Variants in PIP5K1B observed in about 807,000 individuals in gnomAD.
PIP5K1B encodes the protein phosphatidylinositol-4-phosphate 5-kinase type 1 beta, also known as phosphatidylinositol 4-phosphate 5-kinase type-1 beta.
A neutral mutation model predicts 67.0 loss-of-function variants in PIP5K1B; 42 were observed. That is an observed-to-expected ratio of 0.63 (90% CI 0.49 to 0.81). The LOEUF is 0.81. Ranked by LOEUF, PIP5K1B falls within the 30% of genes least tolerant of loss-of-function variation. PIP5K1B has a pLI of 0.00. For missense variants in PIP5K1B, 459 were observed against 646.3 expected (o/e 0.71, Z 3.14); for synonymous variants, 214 against 231.4 (o/e 0.92, Z 0.68).
rs71353081 is a variant in PIP5K1B at position 68,754,175 on chromosome 9, C to CTTTTTTT, written c.-86+11524_-86+11530dup. On this transcript the variant is annotated intron_variant, in intron 2 of 15. Transcript: ENST00000265382. ...AGTCTTCTTTTATGTTCCATGATTT[C>CTTTTTTT]TTTTTTTTTTTTGAGACAGAGTCTC... 8.9e-5 allele frequency among the ~76,000 whole-genome samples: 9 copies of CTTTTTTT among 101,072 alleles called. 2 individuals carry two copies. The highest frequency in any genetic ancestry group is 6.8e-4 in the East Asian group (2 of 2,934). The allele number at this position is 101,072 out of a possible 152,430, so 66.3% of individuals were successfully genotyped here. A position where few individuals can be genotyped will look rare whatever the true frequency, so the allele number is the denominator to read the frequency against.
intron 1 of PIP5K1B, among the ~76,000 whole-genome samples, chr9:68,718,736 G>T (rs1827744367): frequency 6.6e-6 from 1 of 152,196 alleles, no homozygotes; most frequent in African/African-American, 2.4e-5. Flanking sequence ...ACTGTAAAGT[G>T]ATAGATTTAG....
rs1208594986 is a variant in PIP5K1B, at chr9:68,793,651, G to C, written c.-85-24810G>C. Among the ~76,000 whole-genome samples, 5 of 152,198 alleles carry C rather than the reference G, an allele frequency of 3.3e-5. No individual in the cohort carries two copies. In the East Asian group the frequency reaches 9.7e-4, roughly 29 times the overall value. ...TATGGGTGGAGTAGGATATTTTTTG[G>C]TGGGGGGAGGGGCTATGGCTGTGGA... On this transcript the variant is annotated intron_variant, in intron 2 of 15. Transcript: ENST00000265382.
chr9:68,878,013 CTG>C (rs35871698), intron 6 of PIP5K1B, among the ~76,000 whole-genome samples: 16,854 of 141,956 alleles, frequency 0.12, 1,363 homozygotes, highest in East Asian at 0.33. Flanking sequence ...CGCATTTGTT[CTG>C]TGTGTGTGTG....
chr9:68,992,839 C>CAA (rs201517701), intron 15 of PIP5K1B, among the ~76,000 whole-genome samples: 985 of 57,432 alleles, frequency 0.017, 101 homozygotes, highest in African/African-American at 0.053. Context: ...GACCCTGTCT[C>CAA]AAAAAAAAAA....
At chr9:68,840,096 G>A (rs1026893575) in intron 4 of PIP5K1B, among the ~76,000 whole-genome samples, 12 of 152,198 alleles carry the variant, frequency 7.9e-5, no homozygotes, top group Non-Finnish European at 1.5e-4. Flanking sequence ...GTATTTCACG[G>A]CCCGGCACAG....
chr9:68,766,846 G>A (rs1830450777), intron 2 of PIP5K1B, among the ~76,000 whole-genome samples: 1 of 152,138 alleles, frequency 6.6e-6, no homozygotes, highest in Non-Finnish European at 1.5e-5. Flanking sequence ...AAACACTATG[G>A]AGATAGGTGA....
At chr9:68,908,016 GT>G (rs902022838) in intron 8 of PIP5K1B, among the ~76,000 whole-genome samples, 1 of 152,222 alleles carries the variant, frequency 6.6e-6, no homozygotes, top group African/African-American at 2.4e-5. Flanking sequence ...GTAGCAGACA[GT>G]GGTGAGGGTT....
At chr9:68,764,101 G>A (rs1416751189) in intron 2 of PIP5K1B, among the ~76,000 whole-genome samples, 1 of 37,814 alleles carries the variant, frequency 2.6e-5, no homozygotes, top group African/African-American at 1.1e-4. Context: ...TTTTTTTTTT[G>A]GAATCATCAC....
intron 14 of PIP5K1B, among the ~76,000 whole-genome samples, chr9:68,956,354 C>CTGT (rs1455495556): frequency 1.3e-5 from 2 of 152,188 alleles, no homozygotes; most frequent in East Asian, 3.8e-4. Context: ...CCTGTATTCC[C>CTGT]AGCTACTCAG....
At chr9:68,720,955 C>A (rs1827852182) in intron 1 of PIP5K1B, among the ~76,000 whole-genome samples, 1 of 152,190 alleles carries the variant, frequency 6.6e-6, no homozygotes, top group African/African-American at 2.4e-5. Flanking sequence ...ACAGTGATAG[C>A]AGCTACCATT....
rs1278778675 is a variant in PIP5K1B at position 68,879,296 on chromosome 9, G to A, written c.318+2502G>A. 5.3e-5 allele frequency among the ~76,000 whole-genome samples: 8 copies of A among 152,286 alleles called. No homozygotes were observed. In the East Asian group the frequency reaches 1.4e-3, roughly 26 times the overall value. On this transcript the variant is annotated intron_variant, in intron 6 of 15. Coordinates refer to ENST00000265382, the MANE Select transcript of PIP5K1B (RefSeq NM_003558.4). ...AAATGTGAATTAGACAGCCAGGCAC[G>A]GTGGCTCATGCCTGTAATCCCAGCA...
At chr9:68,941,473 A>G (rs935607482) in intron 14 of PIP5K1B, among the ~76,000 whole-genome samples, 1 of 152,248 alleles carries the variant, frequency 6.6e-6, no homozygotes, top group Admixed American at 6.5e-5. Context: ...CCTGTAATCA[A>G]AATATCTCAT....
chr9:68,732,139 G>T (rs1417226885), intron 1 of PIP5K1B, among the ~76,000 whole-genome samples: 2 of 152,220 alleles, frequency 1.3e-5, no homozygotes, highest in Non-Finnish European at 2.9e-5. Flanking sequence ...TAGGGAGGTG[G>T]AGGAAATAAG....
In PIP5K1B at chr9:68,937,350, G is replaced by T. The variant is rs1827319122; in HGVS notation, c.1357+2305G>T. The stretch of plus-strand genomic sequence containing the variant: ...TGGTTTAGACTTGGGAGGGTCCAAA[G>T]AATTTATCCCTTCCTTCTAGATTTT... On this transcript the variant is annotated intron_variant, in intron 13 of 15. Transcript: ENST00000265382. Among the ~76,000 whole-genome samples the T allele has an allele frequency of 2.0e-5, 3 of 151,872 alleles. No homozygotes were observed. The East Asian group carries it at 5.8e-4, about 29-fold the overall frequency.
chr9:68,945,619 C>A (rs1378139067), intron 14 of PIP5K1B, among the ~76,000 whole-genome samples: 1 of 152,146 alleles, frequency 6.6e-6, no homozygotes, highest in East Asian at 1.9e-4. Context: ...TTATTAAGGG[C>A]CATGTTAAGC....
At chr9:68,962,207 GA>G (rs886348743) in intron 14 of PIP5K1B, among the ~76,000 whole-genome samples, 25 of 151,612 alleles carry the variant, frequency 1.6e-4, no homozygotes, top group South Asian at 6.3e-4. Flanking sequence ...ACTGATTTGG[GA>G]AAAAAAAGAC....
intron 2 of PIP5K1B, chr9:68,780,248 C>T: frequency 6.5e-7 from 1 of 1,543,022 alleles, no homozygotes. Context: ...GCAGCGGCGG[C>T]GGCGGGGGCC....
At chr9:68,942,423 C>T (rs1166987732) in intron 14 of PIP5K1B, among the ~76,000 whole-genome samples, 1 of 152,022 alleles carries the variant, frequency 6.6e-6, no homozygotes, top group Non-Finnish European at 1.5e-5. Context: ...TTTCAGCCAA[C>T]AATAAAAGGG....
Position 68,742,552 on chromosome 9 carries a change from A to G in PIP5K1B, c.-191A>G, listed in dbSNP as rs1296179282. The stretch of plus-strand genomic sequence containing the variant: ...TGAGATGTGACTGCAGAGCCGTCCA[A>G]CCCCAGTCCTGTGACCTTTCTCTGG... On this transcript the variant is annotated 5_prime_UTR_variant, in exon 2 of 16. Coordinates refer to ENST00000265382, the MANE Select transcript of PIP5K1B (RefSeq NM_003558.4). 2 of 152,182 alleles carry G rather than the reference A, an allele frequency of 1.3e-5. No individual in the cohort carries two copies. Among genetic ancestry groups the G allele is most frequent in the Non-Finnish European group, 2.9e-5 (2 of 68,040 alleles). The allele number at this position is 152,182 out of a possible 1,614,324, so 9.4% of individuals were successfully genotyped here.
Sources: allele counts gnomAD v4.1 joint callset (sites outside exome capture counted in the v4.1 genomes callset), GRCh38; gene constraint gnomAD v4.1.1; transcripts MANE v1.5; gene names NCBI Gene and HGNC (gene_info 2026-07-23, HGNC 2026-07-21).